Variants in NEK7 observed in about 807,000 individuals in gnomAD.
The protein encoded by NEK7 is NIMA related kinase 7, also known as serine/threonine-protein kinase Nek7.
In NEK7, 18 loss-of-function variants were observed where a neutral mutation model predicts 44.6. That is an observed-to-expected ratio of 0.40 (90% CI 0.28 to 0.60). NEK7 has a LOEUF of 0.60. Ranked by LOEUF, NEK7 falls within the 20% of genes least tolerant of loss-of-function variation. The pLI, the probability that NEK7 is intolerant of heterozygous loss-of-function variation, is 0.38. For synonymous variants in NEK7, 130 were observed against 121.1 expected (o/e 1.07, Z -0.48); for missense variants, 256 against 366.5 (o/e 0.70, Z 2.46).
chr1:198,230,999 C>T (rs1666371652), intron 1 of NEK7, among the ~76,000 whole-genome samples: 1 of 151,746 alleles, frequency 6.6e-6, no homozygotes, highest in Non-Finnish European at 1.5e-5. Flanking sequence ...TTAAGGTCAA[C>T]GTAATCCCAA....
chr1:198,240,751 A>C (rs1371177400), intron 2 of NEK7, among the ~76,000 whole-genome samples: 1 of 152,194 alleles, frequency 6.6e-6, no homozygotes, highest in East Asian at 1.9e-4. Context: ...GTGCAAGTGC[A>C]GTGGCACGAT....
At chr1:198,198,952 G>A (rs936361356) in intron 1 of NEK7, among the ~76,000 whole-genome samples, 13 of 152,156 alleles carry the variant, frequency 8.5e-5, no homozygotes, top group African/African-American at 3.1e-4. Context: ...TTTAATAATT[G>A]CACTACTGCT....
chr1:198,247,012 G>A (rs905613768), intron 2 of NEK7, among the ~76,000 whole-genome samples: 5 of 152,042 alleles, frequency 3.3e-5, no homozygotes, highest in East Asian at 1.9e-4. Flanking sequence ...AGTTAAAAAC[G>A]TAAAAAATTG....
At chr1:198,302,067 A>G (rs1654905117) in intron 9 of NEK7, among the ~76,000 whole-genome samples, 1 of 152,182 alleles carries the variant, frequency 6.6e-6, no homozygotes, top group African/African-American at 2.4e-5. Context: ...ATCAGTTTCC[A>G]CATCACTTAA....
chr1:198,204,911 G>T (rs1011403911), intron 1 of NEK7, among the ~76,000 whole-genome samples: 1 of 152,062 alleles, frequency 6.6e-6, no homozygotes, highest in African/African-American at 2.4e-5. Context: ...GTGCCTGGGA[G>T]GGATGTTTGT....
At chr1:198,294,812 C>T (rs199915096) in intron 8 of NEK7, among the ~76,000 whole-genome samples, 38 of 152,104 alleles carry the variant, frequency 2.5e-4, no homozygotes, top group East Asian at 1.2e-3. Flanking sequence ...TTCATCTCAA[C>T]GCATTTTCTT....
At chr1:198,241,605 G>T (rs1038605268) in intron 2 of NEK7, among the ~76,000 whole-genome samples, 1 of 152,130 alleles carries the variant, frequency 6.6e-6, no homozygotes, top group East Asian at 1.9e-4. Context: ...AATATATAGC[G>T]GACCTGGAAG....
intron 1 of NEK7, among the ~76,000 whole-genome samples, chr1:198,223,288 G>T (rs1173080470): frequency 6.6e-6 from 1 of 152,152 alleles, no homozygotes; most frequent in African/African-American, 2.4e-5. Context: ...AACTTGTAGG[G>T]TAGTAGTAGT....
Position 198,253,059 on chromosome 1 carries a change from T to G in NEK7, c.77T>G (p.Met26Arg), listed in dbSNP as rs905482740. 6.2e-7 allele frequency: 1 copy of G among 1,610,418 alleles called. No homozygotes were observed. The highest frequency in any genetic ancestry group is 1.3e-5 in the African/African-American group (1 of 74,764). Residue 26 changes from methionine to arginine, a missense_variant, in exon 3 of 10, where the codon ATG (methionine) becomes AGG (arginine). Physicochemically the swap from Met to Arg is moderately conservative, Grantham distance 91. Coordinates refer to ENST00000367385, the MANE Select transcript of NEK7 (RefSeq NM_133494.3). ...FQPQKALRPD[M>R]GYNTLANFRI... The stretch of plus-strand genomic sequence containing the variant: ...TTACAGAAGGCCTTACGACCGGATA[T>G]GGGCTATAATACATTAGCCAACTTT...
At chr1:198,166,123 T>C (rs1664259659) in intron 1 of NEK7, among the ~76,000 whole-genome samples, 1 of 152,246 alleles carries the variant, frequency 6.6e-6, no homozygotes, top group African/African-American at 2.4e-5. Flanking sequence ...ACTGGTTTGA[T>C]CTTCTATCCA....
At position 198,306,387 on chromosome 1, in the gene NEK7, G is replaced by A. The variant is rs568524987; in HGVS notation, c.798+9147G>A. Among the ~76,000 whole-genome samples, 4 of 152,228 alleles carry A rather than the reference G, an allele frequency of 2.6e-5. No homozygotes were observed. In the South Asian group the frequency reaches 8.3e-4, roughly 32 times the overall value. ...ATCTAAGTACTATAACCCCAGGTAT[G>A]TTCACTAGCTTCAAAAAGTGACCCC... On this transcript the variant is annotated intron_variant, in intron 9 of 9. Transcript: ENST00000367385.
chr1:198,297,116 G>A lies in NEK7; in HGVS notation c.685-11G>A, dbSNP rs959409069. ...TCTAACTATATCAGTTTCATTGGGG[G>A]CATTTTACAGATGGCTGCATTACAA... On this transcript the variant is annotated splice_polypyrimidine_tract_variant and intron_variant, in intron 8 of 9. Transcript: ENST00000367385. 1.0e-5 allele frequency: 16 copies of A among 1,549,384 alleles called. No homozygotes were observed. The highest frequency in any genetic ancestry group is 5.4e-5 in the African/African-American group (4 of 73,578).
chr1:198,176,880 G>A (rs535287448), intron 1 of NEK7, among the ~76,000 whole-genome samples: 1 of 152,188 alleles, frequency 6.6e-6, no homozygotes, highest in African/African-American at 2.4e-5. Flanking sequence ...ACAGTTTAGA[G>A]TGTTCAAGAT....
intron 1 of NEK7, among the ~76,000 whole-genome samples, chr1:198,231,404 AT>A (rs1056012422): frequency 6.8e-6 from 1 of 147,218 alleles, no homozygotes; most frequent in Non-Finnish European, 1.5e-5. Flanking sequence ...GTAAAGGATA[AT>A]TTTTTCAATA....
intron 8 of NEK7, among the ~76,000 whole-genome samples, chr1:198,294,302 G>T (rs547443207): frequency 1.3e-5 from 2 of 151,824 alleles, no homozygotes; most frequent in African/African-American, 4.8e-5. Flanking sequence ...AAGAAATTAC[G>T]CTCACTGTGT....
In NEK7 at chr1:198,278,988, TGG is replaced by T; in HGVS notation, c.519_520del (p.Val174GlyfsTer36). The T allele has an allele frequency of 6.2e-7, 1 of 1,610,460 alleles. No individual in the cohort carries two copies. Among genetic ancestry groups the T allele is most frequent in the Non-Finnish European group, 8.5e-7 (1 of 1,177,376 alleles). On this transcript the variant is annotated frameshift_variant, in exon 7 of 10. Transcript: ENST00000367385. LOFTEE classifies it high-confidence loss of function. ...KPANVFITAT[G>X]VVKLGDLGLG... ...CAGCTAATGTGTTCATTACAGCCAC[TGG>T]GGTGGTAAAACTTGGAGATCTTGGG...
intron 1 of NEK7, among the ~76,000 whole-genome samples, chr1:198,210,705 CTG>C (rs1665736754): frequency 7.4e-6 from 1 of 135,598 alleles, no homozygotes; most frequent in South Asian, 2.4e-4. Context: ...AGGCTATCAA[CTG>C]TATTATATGT....
chr1:198,316,317 G>T (rs879595471), intron 9 of NEK7, among the ~76,000 whole-genome samples: 2 of 152,146 alleles, frequency 1.3e-5, no homozygotes, highest in Non-Finnish European at 2.9e-5. Flanking sequence ...GACTAAATTG[G>T]TATGAAGGTG....
At chr1:198,315,758 G>T (rs1655350967) in intron 9 of NEK7, among the ~76,000 whole-genome samples, 1 of 152,178 alleles carries the variant, frequency 6.6e-6, no homozygotes, top group Non-Finnish European at 1.5e-5. Context: ...TAAGAAGTTG[G>T]AGGTGCTGTT....
Sources: allele counts gnomAD v4.1 joint callset (sites outside exome capture counted in the v4.1 genomes callset), GRCh38; gene constraint gnomAD v4.1.1; transcripts MANE v1.5; gene names NCBI Gene and HGNC (gene_info 2026-07-23, HGNC 2026-07-21).